The following SPAG16 variants were observed in gnomAD, a reference collection of about 807,000 sequenced individuals.
SPAG16 encodes the protein sperm associated antigen 16.
Under a neutral mutation model 80.4 loss-of-function variants are expected in SPAG16, and 86 were observed. That is an observed-to-expected ratio of 1.07 (90% CI 0.90 to 1.28). SPAG16 has a LOEUF of 1.28. Ranked by LOEUF, SPAG16 falls within the 50% of genes most tolerant of loss-of-function variation. The probability of loss-of-function intolerance (pLI) is 0.00; values close to 1 mark genes in which losing one functional copy is unlikely to be tolerated. For synonymous variants in SPAG16, 294 were observed against 265.9 expected, an observed-to-expected ratio of 1.11 and a Z score of -1.03; for missense variants, 870 against 765.3, an observed-to-expected ratio of 1.14 and a Z score of -1.61.
intron 12 of SPAG16, among the ~76,000 whole-genome samples, chr2:213,940,686 A>G (rs529294353): frequency 1.2e-4 from 18 of 152,178 alleles, no homozygotes; most frequent in Non-Finnish European, 2.6e-4. Flanking sequence ...TTAATATAGC[A>G]TATGTCTATG....
At chr2:214,124,426 T>C (rs955199216) in intron 14 of SPAG16, among the ~76,000 whole-genome samples, 1 of 151,760 alleles carries the variant, frequency 6.6e-6, no homozygotes, top group Non-Finnish European at 1.5e-5. Flanking sequence ...CTAATTAGGA[T>C]TTATTATAGC....
intron 13 of SPAG16, among the ~76,000 whole-genome samples, chr2:214,022,726 ATCTG>A (rs35100066): frequency 0.79 from 119,337 of 151,326 alleles, 47,235 homozygotes; most frequent in East Asian, 0.95. Context: ...AAAAAAAAGA[ATCTG>A]TCTTACCATG....
chr2:213,389,854 C>T (rs2067649098), intron 9 of SPAG16, among the ~76,000 whole-genome samples: 1 of 152,084 alleles, frequency 6.6e-6, no homozygotes, highest in African/African-American at 2.4e-5. Flanking sequence ...AATAGAATTA[C>T]CATATGATCT....
At chr2:213,998,265 T>C (rs542661694) in intron 12 of SPAG16, among the ~76,000 whole-genome samples, 4 of 152,334 alleles carry the variant, frequency 2.6e-5, no homozygotes, top group African/African-American at 9.6e-5. Flanking sequence ...TCATCTTGAA[T>C]TGTACTCCCA....
At chr2:214,138,150 A>G (rs977947642) in intron 14 of SPAG16, among the ~76,000 whole-genome samples, 1 of 152,142 alleles carries the variant, frequency 6.6e-6, no homozygotes, top group African/African-American at 2.4e-5. Context: ...ATCAGAGAGC[A>G]AAGTCCAAAG....
chr2:213,426,844 C>T (rs897716098), intron 9 of SPAG16, among the ~76,000 whole-genome samples: 1 of 27,156 alleles, frequency 3.7e-5, no homozygotes, highest in African/African-American at 8.8e-5. Context: ...CATACACACA[C>T]ACACACACAC....
chr2:214,203,218 T>A (rs2058055053), intron 15 of SPAG16, among the ~76,000 whole-genome samples: 1 of 152,226 alleles, frequency 6.6e-6, no homozygotes, highest in Admixed American at 6.5e-5. Context: ...TAAACTTCCA[T>A]ATTACTTTCA....
At chr2:214,362,017 A>T (rs949552698) in intron 15 of SPAG16, among the ~76,000 whole-genome samples, 3 of 151,924 alleles carry the variant, frequency 2.0e-5, no homozygotes, top group African/African-American at 7.2e-5. Flanking sequence ...AAGGATTATC[A>T]GTCAGGATTG....
At chr2:213,905,263 T>C (rs2077387527) in intron 11 of SPAG16, among the ~76,000 whole-genome samples, 1 of 152,172 alleles carries the variant, frequency 6.6e-6, no homozygotes, top group South Asian at 2.1e-4. Context: ...AATTATGTGG[T>C]TGGGGATATG....
intron 11 of SPAG16, among the ~76,000 whole-genome samples, chr2:213,911,450 T>C (rs886458899): frequency 2.6e-5 from 4 of 152,200 alleles, no homozygotes; most frequent in African/African-American, 9.6e-5. Flanking sequence ...CTGCCAATAG[T>C]TACAAGCTCT....
Position 213,297,263 on chromosome 2 carries a change from T to A in SPAG16, c.185T>A (p.Ile62Lys), listed in dbSNP as rs761012415. The change falls in exon 3 of 16, where the codon ATA (isoleucine) becomes AAA (lysine). Residue 62 changes from isoleucine to lysine, a missense_variant and splice_region_variant. Physicochemically the swap from Ile to Lys is moderately radical, Grantham distance 102. Coordinates refer to ENST00000331683, the MANE Select transcript of SPAG16 (RefSeq NM_024532.5). ...TCCTTCTCTTTCTCTGTGATCTAGA[T>A]ACCAGATGACAATTTTAGCATCCCA... ...ASEDDYEYEE[I>K]PDDNFSIPEG... is the part of the protein sequence containing the mutation. The A allele has an allele frequency of 6.2e-7, 1 of 1,606,666 alleles. No homozygotes were observed. The highest frequency in any genetic ancestry group is 1.1e-5 in the South Asian group (1 of 90,506).
chr2:213,553,233 C>T (rs2076838984), intron 10 of SPAG16, among the ~76,000 whole-genome samples: 1 of 152,152 alleles, frequency 6.6e-6, no homozygotes, highest in African/African-American at 2.4e-5. Flanking sequence ...CAACTATTTA[C>T]AAACCAAAAT....
intron 10 of SPAG16, among the ~76,000 whole-genome samples, chr2:213,707,578 T>C (rs889993756): frequency 1.3e-5 from 2 of 152,164 alleles, no homozygotes; most frequent in Non-Finnish European, 2.9e-5. Flanking sequence ...TAGATTGATA[T>C]GAAAGTAGGT....
chr2:213,332,111 T>C (rs917725928), intron 5 of SPAG16, among the ~76,000 whole-genome samples: 3 of 152,034 alleles, frequency 2.0e-5, no homozygotes, highest in Non-Finnish European at 4.4e-5. Context: ...ATGTTATTCT[T>C]TTGAAAAGAT....
intron 15 of SPAG16, among the ~76,000 whole-genome samples, chr2:214,186,188 A>G (rs1175911557): frequency 2.0e-5 from 3 of 152,116 alleles, no homozygotes; most frequent in Admixed American, 1.3e-4. Flanking sequence ...ACCCTACCAC[A>G]TTGTCTTCCA....
intron 11 of SPAG16, among the ~76,000 whole-genome samples, chr2:213,915,901 G>A (rs2077938637): frequency 6.6e-6 from 1 of 152,056 alleles, no homozygotes; most frequent in African/African-American, 2.4e-5. Context: ...ATGTTTGTTG[G>A]CTGCATAAAT....
At chr2:213,720,506 T>C (rs1402112628) in intron 10 of SPAG16, among the ~76,000 whole-genome samples, 7 of 147,070 alleles carry the variant, frequency 4.8e-5, no homozygotes, top group Non-Finnish European at 9.0e-5. Flanking sequence ...GGCATGGTGG[T>C]GGGCGCCTGG....
chr2:214,079,471 T>A (rs558712457), intron 13 of SPAG16, among the ~76,000 whole-genome samples: 1 of 152,368 alleles, frequency 6.6e-6, no homozygotes, highest in East Asian at 1.9e-4. Context: ...AAATGTTTTC[T>A]TATTTATAGC....
intron 15 of SPAG16, among the ~76,000 whole-genome samples, chr2:214,356,878 C>G (rs527577436): frequency 1.3e-5 from 2 of 151,982 alleles, no homozygotes; most frequent in Admixed American, 1.3e-4. Flanking sequence ...CTTCTTCTAT[C>G]TCATACCTTT....
Sources: allele counts gnomAD v4.1 joint callset (sites outside exome capture counted in the v4.1 genomes callset), GRCh38; gene constraint gnomAD v4.1.1; transcripts MANE v1.5; gene names NCBI Gene and HGNC (gene_info 2026-07-23, HGNC 2026-07-21).